Variants in LAMA3 observed in about 807,000 individuals in gnomAD.
LAMA3 encodes the protein laminin subunit alpha-3.
Under a neutral mutation model 402.0 loss-of-function variants are expected in LAMA3, and 281 were observed. The observed-to-expected ratio is 0.70, with a 90% CI of 0.63 to 0.77. The LOEUF is 0.77. Among genes scored for constraint, LAMA3 ranks in the 30% least tolerant of loss-of-function variants. LAMA3 has a pLI of 0.00. For missense variants in LAMA3, 3,840 were observed against 4,215.5 expected, an observed-to-expected ratio of 0.91 and a Z score of 2.47; for synonymous variants, 1,431 against 1,558.4, an observed-to-expected ratio of 0.92 and a Z score of 1.93.
chr18:23,740,545 C>T (rs1481602826), intron 2 of LAMA3, among the ~76,000 whole-genome samples: 1 of 151,996 alleles, frequency 6.6e-6, no homozygotes, highest in Non-Finnish European at 1.5e-5. Context: ...GAAAGTGAGA[C>T]ACTCTCTCTT....
chr18:23,904,728 G>T lies in LAMA3; in HGVS notation c.6615+34G>T, dbSNP rs200941790. 7 of 1,606,416 alleles carry T rather than the reference G, an allele frequency of 4.4e-6. No individual in the cohort carries two copies. The East Asian group carries it at 6.7e-5, about 15-fold the overall frequency. On this transcript the variant is annotated intron_variant, in intron 51 of 74. Transcript: ENST00000313654. ...CTGTACCAGCAGCTTCTCCACATTCGCTGTGGAGATGGCTGATTTTTATAT... is the reference window on the plus strand; with the variant it reads ...CTGTACCAGCAGCTTCTCCACATTCTCTGTGGAGATGGCTGATTTTTATAT...
At chr18:23,904,453 AG>A (rs1334685467) in intron 50 of LAMA3, 99 bp from the exon 51 acceptor site, 2 of 1,256,608 alleles carry the variant, frequency 1.6e-6, no homozygotes, top group African/African-American at 1.5e-5. Flanking sequence ...AAAAAAAAAA[AG>A]AAAGAAAAAA....
At chr18:23,920,843 G>A in intron 60 of LAMA3, 92 bp from the exon 61 acceptor site, 1 of 1,480,402 alleles carries the variant, frequency 6.8e-7, no homozygotes, top group Non-Finnish European at 9.4e-7. Flanking sequence ...GAAGCTGAGA[G>A]CAGGGGGGTC....
chr18:23,877,280 T>A (rs2064753748), intron 39 of LAMA3, among the ~76,000 whole-genome samples: 1 of 152,222 alleles, frequency 6.6e-6, no homozygotes, highest in Non-Finnish European at 1.5e-5. Context: ...CATGATCTTA[T>A]TTTGGAATAT....
chr18:23,934,855 G>A (rs767045683), intron 67 of LAMA3, among the ~76,000 whole-genome samples: 13 of 152,180 alleles, frequency 8.5e-5, no homozygotes, highest in Admixed American at 2.0e-4. Context: ...TGTCAACCAC[G>A]TGCTGCTTCT....
At chr18:23,889,710 GAGGAAGGA>G (rs1401817266) in intron 41 of LAMA3, among the ~76,000 whole-genome samples, 10 of 86,042 alleles carry the variant, frequency 1.2e-4, no homozygotes, top group South Asian at 4.1e-4. Flanking sequence ...GGGAGGAAGG[GAGGAAGGA>G]AGGAAGAAAG....
intron 16 of LAMA3, 98 bp downstream of exon 16, chr18:23,815,338 A>G (rs993300029): frequency 1.3e-5 from 17 of 1,356,880 alleles, no homozygotes; most frequent in Non-Finnish European, 1.8e-5. Context: ...GTCATTCTAC[A>G]GTGCATGGTA....
At chr18:23,786,795 A>C (rs1012771176) in intron 12 of LAMA3, among the ~76,000 whole-genome samples, 5 of 152,254 alleles carry the variant, frequency 3.3e-5, no homozygotes, top group African/African-American at 1.2e-4. Flanking sequence ...AGAGAATATC[A>C]ATAAAGAGAT....
chr18:23,698,890 A>T (rs552344198), intron 1 of LAMA3, among the ~76,000 whole-genome samples: 1 of 152,200 alleles, frequency 6.6e-6, no homozygotes, highest in Non-Finnish European at 1.5e-5. Context: ...AGTAAATATA[A>T]TAATTGTAGG....
chr18:23,876,863 A>C (rs767871780), intron 39 of LAMA3, among the ~76,000 whole-genome samples: 2 of 152,190 alleles, frequency 1.3e-5, no homozygotes, highest in Non-Finnish European at 2.9e-5. Flanking sequence ...ATAAGAAATC[A>C]GTCCAACATT....
At chr18:23,732,170 G>T (rs771957838) in intron 2 of LAMA3, among the ~76,000 whole-genome samples, 46 of 152,140 alleles carry the variant, frequency 3.0e-4, no homozygotes, top group Admixed American at 2.9e-3. Context: ...TTTCTAAGAT[G>T]CCCCTTGATG....
chr18:23,844,896 A>G (rs953267797), intron 29 of LAMA3, 113 bp from the exon 30 acceptor site: 2 of 717,122 alleles, frequency 2.8e-6, no homozygotes, highest in African/African-American at 1.8e-5. Flanking sequence ...TCAGATTTTG[A>G]AGCATTTCAG....
Position 23,954,635 on chromosome 18 carries a change from G to T in LAMA3, c.9989G>T (p.Cys3330Phe). 1 of 1,614,024 alleles carries T rather than the reference G, an allele frequency of 6.2e-7. No individual in the cohort carries two copies. Among genetic ancestry groups the T allele is most frequent in the Non-Finnish European group, 8.5e-7 (1 of 1,179,992 alleles). ...CAGGGGCCTGTCAGTCTGAATGGTT[G>T]TCCTGACCAGTAACCCAAGCCTATT... ...EVQGPVSLNG[C>F]PDQ is the part of the protein sequence containing the mutation. The change falls in exon 75 of 75, where the codon TGT (cysteine) becomes TTT (phenylalanine). Residue 3330 changes from cysteine to phenylalanine, a missense_variant. Transcript: ENST00000313654.
At chr18:23,888,715 G>A (rs1176041503) in intron 41 of LAMA3, among the ~76,000 whole-genome samples, 1 of 152,154 alleles carries the variant, frequency 6.6e-6, no homozygotes, top group African/African-American at 2.4e-5. Context: ...ACATGGTAAC[G>A]TGTATTGGAA....
intron 39 of LAMA3, among the ~76,000 whole-genome samples, chr18:23,878,388 A>G (rs2064790798): frequency 6.6e-6 from 1 of 152,196 alleles, no homozygotes; most frequent in Admixed American, 6.5e-5. Flanking sequence ...AGCATTTGCT[A>G]GTGTGGCAGG....
intron 1 of LAMA3, among the ~76,000 whole-genome samples, chr18:23,692,068 G>T (rs887511846): frequency 6.6e-6 from 1 of 152,286 alleles, no homozygotes; most frequent in African/African-American, 2.4e-5. Flanking sequence ...TGAAGTAAGC[G>T]AGGGGCCCTT....
intron 2 of LAMA3, among the ~76,000 whole-genome samples, chr18:23,739,078 C>T (rs2061522393): frequency 6.6e-6 from 1 of 152,198 alleles, no homozygotes; most frequent in Non-Finnish European, 1.5e-5. Context: ...TTGTGCTACA[C>T]CCAAGCACCC....
chr18:23,690,871 A>ATTT (rs1302404655), intron 1 of LAMA3, among the ~76,000 whole-genome samples: 53 of 128,150 alleles, frequency 4.1e-4, no homozygotes, highest in Admixed American at 2.4e-3. Flanking sequence ...CAGGCCTGGC[A>ATTT]ATTATTTATT....
At chr18:23,705,446 G>GACACACACACAC (rs1426163123) in intron 1 of LAMA3, among the ~76,000 whole-genome samples, 2 of 82,122 alleles carry the variant, frequency 2.4e-5, no homozygotes, top group East Asian at 4.6e-4. Context: ...GTATTATCAT[G>GACACACACACAC]ACATACACAC....
Sources: allele counts gnomAD v4.1 joint callset (sites outside exome capture counted in the v4.1 genomes callset), GRCh38; gene constraint gnomAD v4.1.1; transcripts MANE v1.5; gene names NCBI Gene and HGNC (gene_info 2026-07-23, HGNC 2026-07-21).